Variants in RYR3 observed in about 807,000 individuals in gnomAD.
The protein encoded by RYR3 is brain ryanodine receptor-calcium release channel.
Under a neutral mutation model 584.3 loss-of-function variants are expected in RYR3, and 207 were observed. The observed-to-expected ratio is 0.35, with a 90% CI of 0.32 to 0.40. The LOEUF is 0.40. RYR3 is among the 10% of genes least tolerant of loss of function. RYR3 has a pLI of 1.00. For missense variants in RYR3, 5,616 were observed against 6,089.2 expected, an observed-to-expected ratio of 0.92 and a Z score of 2.59; for synonymous variants, 2,416 against 2,248.5, an observed-to-expected ratio of 1.07 and a Z score of -2.11.
intron 2 of RYR3, among the ~76,000 whole-genome samples, chr15:33,477,482 C>T (rs56356590): frequency 1.3e-5 from 2 of 150,222 alleles, no homozygotes; most frequent in Non-Finnish European, 2.9e-5. Context: ...CCTTGAAGGT[C>T]TCCTGAAACT....
intron 1 of RYR3, among the ~76,000 whole-genome samples, chr15:33,368,237 T>C (rs928089759): frequency 6.6e-6 from 1 of 151,462 alleles, no homozygotes; most frequent in Non-Finnish European, 1.5e-5. Context: ...TTGACTTGCC[T>C]CAACTCATCC....
chr15:33,385,585 A>T (rs2041532801), intron 1 of RYR3, among the ~76,000 whole-genome samples: 1 of 152,194 alleles, frequency 6.6e-6, no homozygotes, highest in Admixed American at 6.5e-5. Context: ...GGTAAAGCTA[A>T]ATACTCATCT....
chr15:33,625,835 C>A (rs1260133723), intron 20 of RYR3, among the ~76,000 whole-genome samples: 4 of 152,090 alleles, frequency 2.6e-5, no homozygotes, highest in Non-Finnish European at 4.4e-5. Flanking sequence ...GTCAATCTCC[C>A]CTGGGAAAAA....
At chr15:33,502,467 A>T (rs528409858) in intron 2 of RYR3, among the ~76,000 whole-genome samples, 1 of 152,034 alleles carries the variant, frequency 6.6e-6, no homozygotes, top group Non-Finnish European at 1.5e-5. Context: ...TGTTGTTCTC[A>T]TGGTATTGAT....
At chr15:33,577,411 AAAAC>A (rs1315144785) in intron 12 of RYR3, among the ~76,000 whole-genome samples, 1 of 152,246 alleles carries the variant, frequency 6.6e-6, no homozygotes, top group Non-Finnish European at 1.5e-5. Context: ...TACTGATACA[AAAAC>A]AAACACATAG....
At chr15:33,380,681 C>T (rs1456008262) in intron 1 of RYR3, among the ~76,000 whole-genome samples, 1 of 152,194 alleles carries the variant, frequency 6.6e-6, no homozygotes, top group Non-Finnish European at 1.5e-5. Flanking sequence ...TAAGCCATGC[C>T]CTGGGTAGTG....
chr15:33,503,886 A>G, intron 3 of RYR3, 148 bp downstream of exon 3: 1 of 621,088 alleles, frequency 1.6e-6, no homozygotes, highest in East Asian at 2.8e-5. Flanking sequence ...CCCTGAGTTG[A>G]GTTGGTGTTA....
chr15:33,848,838 T>TTTC (rs2078895319), intron 94 of RYR3, among the ~76,000 whole-genome samples: 2 of 139,386 alleles, frequency 1.4e-5, no homozygotes. Flanking sequence ...TTTTTTTTTT[T>TTTC]TTTTTTTTTT....
intron 57 of RYR3, among the ~76,000 whole-genome samples, chr15:33,753,947 C>T (rs553989924): frequency 1.3e-5 from 2 of 152,256 alleles, no homozygotes; most frequent in East Asian, 1.9e-4. Context: ...GAGTTCAAGA[C>T]CAGCCTGGTT....
chr15:33,681,755 T>C lies in RYR3; in HGVS notation c.5860+11199T>C, dbSNP rs150695866. Among the ~76,000 whole-genome samples, 249 of 152,352 alleles carry C rather than the reference T, an allele frequency of 1.6e-3. 2 individuals carry two copies. The highest frequency in any genetic ancestry group is 5.6e-3 in the African/African-American group (233 of 41,578). On this transcript the variant is annotated intron_variant, in intron 38 of 103. Coordinates refer to ENST00000634891, the MANE Select transcript of RYR3 (RefSeq NM_001036.6). ...AGCATTATAAATTGCTTTCTAAGTGTAACCTAAGTGTGGTGCAATTTTGTT... is the reference window on the plus strand; with the variant it reads ...AGCATTATAAATTGCTTTCTAAGTGCAACCTAAGTGTGGTGCAATTTTGTT...
At chr15:33,724,029 A>G (rs1239298093) in intron 44 of RYR3, 36 bp from the exon 45 acceptor site, 3 of 1,267,566 alleles carry the variant, frequency 2.4e-6, no homozygotes, top group Non-Finnish European at 2.3e-6. Flanking sequence ...GTGCCTGCCA[A>G]CCTTCCTCAC....
At chr15:33,588,627 C>T (rs1235952631) in intron 16 of RYR3, among the ~76,000 whole-genome samples, 1 of 152,110 alleles carries the variant, frequency 6.6e-6, no homozygotes, top group Non-Finnish European at 1.5e-5. Context: ...TCCAAGTTGC[C>T]AACACCTATC....
At chr15:33,584,768 A>C (rs1437665175) in intron 15 of RYR3, among the ~76,000 whole-genome samples, 2 of 151,538 alleles carry the variant, frequency 1.3e-5, no homozygotes, top group African/African-American at 4.8e-5. Context: ...GGGTCCATTA[A>C]TCACCCCCCA....
intron 1 of RYR3, among the ~76,000 whole-genome samples, chr15:33,321,541 T>A (rs1003682597): frequency 1.3e-5 from 2 of 152,234 alleles, no homozygotes; most frequent in Non-Finnish European, 2.9e-5. Context: ...TAAAATGCTC[T>A]GCTCCTTAAG....
intron 1 of RYR3, among the ~76,000 whole-genome samples, chr15:33,410,743 C>A (rs2043345315): frequency 1.3e-5 from 2 of 152,164 alleles, no homozygotes; most frequent in South Asian, 4.1e-4. Context: ...ACGAGAGGAA[C>A]CATGGACGCT....
chr15:33,554,335 C>T (rs1483969012), intron 10 of RYR3, among the ~76,000 whole-genome samples: 5 of 142,630 alleles, frequency 3.5e-5, no homozygotes, highest in African/African-American at 1.3e-4. Flanking sequence ...CGTTCTGTTG[C>T]CCAGGCTGGA....
chr15:33,835,271 C>G (rs1054559825), intron 87 of RYR3, among the ~76,000 whole-genome samples, 199 bp downstream of exon 87: 1 of 152,124 alleles, frequency 6.6e-6, no homozygotes, highest in Non-Finnish European at 1.5e-5. Flanking sequence ...CCCAGACAGG[C>G]TTTTGCATGA....
intron 5 of RYR3, among the ~76,000 whole-genome samples, chr15:33,533,690 A>T (rs1458909370): frequency 6.6e-6 from 1 of 152,216 alleles, no homozygotes; most frequent in Non-Finnish European, 1.5e-5. Context: ...ATAAGAACCA[A>T]TGATACTAAA....
intron 19 of RYR3, 41 bp downstream of exon 19, chr15:33,613,416 C>T (rs781765199): frequency 1.3e-6 from 2 of 1,541,386 alleles, no homozygotes; most frequent in Non-Finnish European, 1.8e-6. Context: ...AGCAGTTACC[C>T]CACCTCCCCG....
Sources: allele counts gnomAD v4.1 joint callset (sites outside exome capture counted in the v4.1 genomes callset), GRCh38; gene constraint gnomAD v4.1.1; transcripts MANE v1.5; gene names NCBI Gene and HGNC (gene_info 2026-07-23, HGNC 2026-07-21).